FAT1: variants seen among roughly 807,000 people sequenced by gnomAD.
The protein encoded by FAT1 is FAT atypical cadherin 1, also known as protocadherin Fat 1.
Under a neutral mutation model 329.8 loss-of-function variants are expected in FAT1, and 171 were observed. That is an observed-to-expected ratio of 0.52 (90% CI 0.46 to 0.59). The LOEUF (loss-of-function observed/expected upper bound fraction) is 0.59. Ranked by LOEUF, FAT1 falls within the 20% of genes least tolerant of loss-of-function variation. FAT1 has a pLI of 0.00. For synonymous variants in FAT1, 2,233 were observed against 2,228.6 expected (o/e 1.00, Z -0.06); for missense variants, 5,672 against 5,774.4 (o/e 0.98, Z 0.57).
chr4:186,613,158 T>G lies in FAT1; in HGVS notation c.9414A>C (p.Thr3138=), dbSNP rs1285706643. Residue 3138 remains threonine, a synonymous_variant, in exon 13 of 27, where the codon ACA becomes ACC. Transcript: ENST00000441802. ...DPYAITVFEN[T]EPGTLLTRVQ... ...CTCTTGTCAGCAGCGTTCCCGGCTCTGTGTTTTCAAACACGGTGATGGCAT... is the reference window on the plus strand; with the variant it reads ...CTCTTGTCAGCAGCGTTCCCGGCTCGGTGTTTTCAAACACGGTGATGGCAT... 6 of 1,613,686 alleles carry G rather than the reference T, an allele frequency of 3.7e-6. No individual in the cohort carries two copies. Among genetic ancestry groups the G allele is most frequent in the Non-Finnish European group, 5.1e-6 (6 of 1,179,878 alleles).
chr4:186,725,778 G>A (rs1179186787), upstream of FAT1, among the ~76,000 whole-genome samples: 1 of 152,174 alleles, frequency 6.6e-6, no homozygotes, highest in Admixed American at 6.5e-5. This position sits in a 1 kb window ranked among gnomAD's most constrained non-coding sequence, Gnocchi z 5.4. Flanking sequence ...AAAGGCTCGT[G>A]GAAATTAGGG....
rs777478965 is a variant in FAT1, at chr4:186,620,761, G to T, written c.5825C>A (p.Thr1942Asn). ...KTGALTVQNTTQLRSRYELTV... is the reference protein window; with the variant it reads ...KTGALTVQNTNQLRSRYELTV... Reference sequence around the variant, plus strand: ...TAGCTCGTAGCGGCTTCTTAACTGAGTTGTGTTTTGGACAGTGAGAGCACC... The same window carrying T: ...TAGCTCGTAGCGGCTTCTTAACTGATTTGTGTTTTGGACAGTGAGAGCACC... The change falls in exon 10 of 27, where the codon ACT (threonine) becomes AAT (asparagine). Residue 1942 changes from threonine (T) to asparagine (N), a missense_variant. This residue lies in a region of FAT1 where 3,966 missense variants were observed against 3,915.2 expected (regional missense o/e 1.01). Coordinates refer to ENST00000441802, the MANE Select transcript of FAT1 (RefSeq NM_005245.4). The T allele has an allele frequency of 6.2e-7, 1 of 1,613,910 alleles. No individual in the cohort carries two copies. Among genetic ancestry groups the T allele is most frequent in the African/African-American group, 1.3e-5 (1 of 74,932 alleles).
At chr4:186,604,266 GAA>G in intron 18 of FAT1, 109 bp downstream of exon 18, 2 of 926,736 alleles carry the variant, frequency 2.2e-6, no homozygotes, top group East Asian at 2.5e-5. Flanking sequence ...GCAATTCTAT[GAA>G]AGTTTGTTTT....
intron 1 of FAT1, among the ~76,000 whole-genome samples, chr4:186,722,689 C>T (rs2126726020): frequency 6.6e-6 from 1 of 152,294 alleles, no homozygotes; most frequent in East Asian, 1.9e-4. Context: ...ACACAGATAC[C>T]TTCTTAAACT....
rs367960445 is a variant in FAT1 at position 186,706,641 on chromosome 4, C to G, written c.3187G>C (p.Ala1063Pro). The G allele has an allele frequency of 2.0e-5, 33 of 1,613,972 alleles. No individual in the cohort carries two copies. The African/African-American group carries it at 4.3e-4, about 21-fold the overall frequency. The change falls in exon 2 of 27, where the codon GCC becomes CCC. Residue 1063 changes from alanine (A) to proline (P), a missense_variant. Ala to Pro is a conservative substitution (Grantham distance 27). Transcript: ENST00000441802. The part of the protein sequence containing the change: ...VMTVSAHDED[A>P]RRDGEIRYSI... ...TATCGGATCTCCCCATCTCTTCTGG[C>G]GTCCTCATCATGAGCCGACACCGTC...
rs768571444 is a variant in FAT1 at position 186,618,745 on chromosome 4, G to T, written c.7841C>A (p.Ser2614Ter). 6.2e-7 allele frequency: 1 copy of T among 1,614,034 alleles called. No individual in the cohort carries two copies. The highest frequency in any genetic ancestry group is 8.5e-7 in the Non-Finnish European group (1 of 1,179,904). The part of the protein sequence containing the change: ...NIGSSAAKGT[S>*]VVKVLASDAD... ...ATCACTTGCAAGAACTTTAACGACT[G>T]AAGTCCCTTTAGCAGCACTGGACCC... is the stretch of plus-strand genomic sequence containing the variant. Residue 2614 changes from serine (S) to a stop codon, truncating the protein, a stop_gained, in exon 10 of 27, where the codon TCA becomes TAA. Transcript: ENST00000441802. LOFTEE classifies it high-confidence loss of function.
At chr4:186,693,273 A>G (rs1242813929) in intron 2 of FAT1, among the ~76,000 whole-genome samples, 1 of 152,208 alleles carries the variant, frequency 6.6e-6, no homozygotes, top group Non-Finnish European at 1.5e-5. Flanking sequence ...TCAAAGGGAA[A>G]CGCAATCGGG....
intron 3 of FAT1, among the ~76,000 whole-genome samples, chr4:186,659,436 G>A (rs1446365144): frequency 6.6e-6 from 1 of 152,200 alleles, no homozygotes; most frequent in Non-Finnish European, 1.5e-5. Context: ...AGAAACAAGT[G>A]GGCCCACTTT....
At position 186,588,794 on chromosome 4, in the gene FAT1, C is replaced by T. The variant is rs770883326; in HGVS notation, c.13565G>A (p.Gly4522Glu). Residue 4522 changes from glycine to glutamate, a missense_variant, in exon 27 of 27, where the codon GGG becomes GAG. Transcript: ENST00000441802. ...GGGCGCCTCGAAGTGTCTTTGATAC[C>T]CTGGCGGGTAAGGGGCATGGGGTTC... Reference protein sequence around the residue: ...CREPHAPYPPGYQRHFEAPAV... With the variant: ...CREPHAPYPPEYQRHFEAPAV... 1 of 1,613,982 alleles carries T rather than the reference C, an allele frequency of 6.2e-7. No individual in the cohort carries two copies. The highest frequency in any genetic ancestry group is 8.5e-7 in the Non-Finnish European group (1 of 1,179,888).
intron 1 of FAT1, 112 bp from the exon 2 acceptor site, chr4:186,709,957 A>T: frequency 1.1e-6 from 1 of 948,804 alleles, no homozygotes; most frequent in South Asian, 1.9e-5. Flanking sequence ...ATGGAATATA[A>T]ATAAATGCAA....
intron 2 of FAT1, among the ~76,000 whole-genome samples, chr4:186,683,737 C>T (rs1295623529): frequency 6.6e-6 from 1 of 152,096 alleles, no homozygotes; most frequent in Non-Finnish European, 1.5e-5. Flanking sequence ...CACGACTTCT[C>T]CCTGTGGTCA....
rs138562474 is a variant in FAT1 at position 186,722,968 on chromosome 4, T to C, written c.-19+696A>G. On this transcript the variant is annotated intron_variant, in intron 1 of 26. Transcript: ENST00000441802. ...TAACTCATACAATTGCGTCCTTGTT[T>C]CCAAAGCCTTGCAATTCACATCAGC... is the stretch of plus-strand genomic sequence containing the variant. Among the ~76,000 whole-genome samples the C allele has an allele frequency of 3.4e-3, 517 of 152,286 alleles. 3 individuals carry two copies. Among genetic ancestry groups the C allele is most frequent in the African/African-American group, 0.012 (490 of 41,558 alleles).
chr4:186,643,870 T>C (rs1741226425), intron 3 of FAT1, among the ~76,000 whole-genome samples: 1 of 143,530 alleles, frequency 7.0e-6, no homozygotes, highest in African/African-American at 2.6e-5. Context: ...CCACTACATG[T>C]TATTAACCTA....
chr4:186,641,108 G>C (rs1280957103), intron 3 of FAT1, among the ~76,000 whole-genome samples: 3 of 152,204 alleles, frequency 2.0e-5, no homozygotes, highest in Non-Finnish European at 4.4e-5. Flanking sequence ...GCAGCAATAA[G>C]TGAAAGGCTT....
intron 3 of FAT1, among the ~76,000 whole-genome samples, chr4:186,659,308 C>T (rs1212665792): frequency 6.6e-6 from 1 of 152,210 alleles, no homozygotes; most frequent in Non-Finnish European, 1.5e-5. Flanking sequence ...CCCTGGCATT[C>T]AGCCTCCCAT....
In FAT1 at chr4:186,600,958, C is replaced by G. The variant is rs148275464; in HGVS notation, c.11640+311G>C. On this transcript the variant is annotated intron_variant, in intron 21 of 26. Transcript: ENST00000441802. ...AATTCCTGACCTCAAGTGATCCACC[C>G]GCCTCAGCTTCCCAAAGTGCTGGGA... Among the ~76,000 whole-genome samples, 5,887 of 152,250 alleles carry G rather than the reference C, an allele frequency of 0.039. 240 individuals are homozygous for G. Among genetic ancestry groups the G allele is most frequent in the East Asian group, 0.17 (883 of 5,160 alleles).
In FAT1 at chr4:186,590,620, T is replaced by C. The variant is rs114172566; in HGVS notation, c.13139-1400A>G. Reference sequence around the variant, plus strand: ...GAATATGGAAGTGGAGGAAAGTGACTGCGGAATGAGGAACCAGAAATTTGG... The same window carrying C: ...GAATATGGAAGTGGAGGAAAGTGACCGCGGAATGAGGAACCAGAAATTTGG... On this transcript the variant is annotated intron_variant, in intron 26 of 26. Coordinates refer to ENST00000441802, the MANE Select transcript of FAT1 (RefSeq NM_005245.4). 2.5e-3 allele frequency: 1,165 copies of C among 457,168 alleles called. 13 individuals are homozygous for C. Among genetic ancestry groups the C allele is most frequent in the African/African-American group, 0.02 (1,017 of 50,204 alleles). 28.3% of individuals were successfully genotyped at this position (457,168 alleles called of 1,614,324 possible).
chr4:186,608,730 T>C (rs956178141), intron 16 of FAT1, among the ~76,000 whole-genome samples: 1 of 152,164 alleles, frequency 6.6e-6, no homozygotes, highest in Non-Finnish European at 1.5e-5. Context: ...GTAAAATACC[T>C]TCCTATTTTA....
chr4:186,716,623 G>C (rs1464030924), intron 1 of FAT1, among the ~76,000 whole-genome samples: 1 of 152,114 alleles, frequency 6.6e-6, no homozygotes, highest in African/African-American at 2.4e-5. Flanking sequence ...TCACCATGTT[G>C]CCCAGGCTGG....
Sources: gnomAD v4.1 joint callset for allele counts (sites outside exome capture counted in the v4.1 genomes callset) on GRCh38, gnomAD v4.1.1 for gene constraint, gnomAD v4.1.1 regional missense constraint, Gnocchi (gnomAD v3.1) non-coding constraint, MANE v1.5 for transcripts, NCBI Gene and HGNC (gene_info 2026-07-23, HGNC 2026-07-21) for gene names.